The following STXBP4 variants were observed in gnomAD, a reference collection of about 807,000 sequenced individuals.
The protein encoded by STXBP4 is syntaxin binding protein 4, also known as syntaxin-binding protein 4.
Under a neutral mutation model 76.1 loss-of-function variants are expected in STXBP4, and 55 were observed. The observed-to-expected ratio is 0.72, with a 90% CI of 0.58 to 0.91. The LOEUF (loss-of-function observed/expected upper bound fraction) is 0.91. Ranked by LOEUF, STXBP4 falls within the 40% of genes least tolerant of loss-of-function variation. The probability of loss-of-function intolerance (pLI) is 0.00; values close to 1 mark genes in which losing one functional copy is unlikely to be tolerated. For synonymous variants in STXBP4, 201 were observed against 220.2 expected, an observed-to-expected ratio of 0.91 and a Z score of 0.77; for missense variants, 618 against 636.9, an observed-to-expected ratio of 0.97 and a Z score of 0.32.
At chr17:55,201,202 A>G in the STXBP4 span, among the ~76,000 whole-genome samples, 3 of 152,198 alleles carry the variant, frequency 2.0e-5, no homozygotes, top group African/African-American at 7.2e-5. Context: ...CTCCACAGTC[A>G]CACTGGTATT....
chr17:54,971,700 T>TAAATTAAATTAATTTAATTTAACTAA (rs2077402991), intron 1 of STXBP4, among the ~76,000 whole-genome samples: 1 of 152,238 alleles, frequency 6.6e-6, no homozygotes, highest in Non-Finnish European at 1.5e-5. Flanking sequence ...AATCCAGGAT[T>TAAATTAAATTAATTTAATTTAACTAA]ACTCGTTGAT....
chr17:54,990,303 A>C (rs2144401235), intron 3 of STXBP4, among the ~76,000 whole-genome samples: 1 of 152,144 alleles, frequency 6.6e-6, no homozygotes, highest in African/African-American at 2.4e-5. Context: ...ACACAGCAGG[A>C]GGTGAGTCTA....
intron 12 of STXBP4, among the ~76,000 whole-genome samples, chr17:55,055,243 A>T (rs932593791): frequency 2.0e-5 from 3 of 152,162 alleles, no homozygotes; most frequent in African/African-American, 4.8e-5. Context: ...TGGGGCCTAC[A>T]CATATAAGCA....
At chr17:55,108,021 C>T (rs1186835573) in intron 16 of STXBP4, among the ~76,000 whole-genome samples, 11 of 152,242 alleles carry the variant, frequency 7.2e-5, no homozygotes, top group Admixed American at 7.2e-4. Context: ...GTGGCCACAG[C>T]AGTCCCTTCC....
At chr17:55,114,838 A>G (rs937883897) in intron 16 of STXBP4, among the ~76,000 whole-genome samples, 5 of 151,934 alleles carry the variant, frequency 3.3e-5, no homozygotes, top group Non-Finnish European at 7.4e-5. Context: ...CCCTTTGGGT[A>G]TGACAATCAC....
chr17:55,118,995 G>A (rs2079813968), intron 16 of STXBP4, among the ~76,000 whole-genome samples: 1 of 150,550 alleles, frequency 6.6e-6, no homozygotes. Context: ...TAGGTTACAT[G>A]TGCACAATGT....
chr17:55,157,704 A>G (rs2080295678), intron 17 of STXBP4, among the ~76,000 whole-genome samples: 1 of 152,206 alleles, frequency 6.6e-6, no homozygotes, highest in Non-Finnish European at 1.5e-5. Flanking sequence ...ATTTAAACAG[A>G]GGAGCTGAAC....
intron 11 of STXBP4, among the ~76,000 whole-genome samples, chr17:55,046,582 ATTAATC>A (rs949757762): frequency 2.0e-5 from 3 of 151,956 alleles, no homozygotes; most frequent in Non-Finnish European, 4.4e-5. Context: ...TATGTATAAT[ATTAATC>A]TTAATAACTA....
intron 16 of STXBP4, among the ~76,000 whole-genome samples, chr17:55,112,015 AGGC>A (rs1396496594): frequency 6.6e-6 from 1 of 152,178 alleles, no homozygotes; most frequent in African/African-American, 2.4e-5. Flanking sequence ...TCCTGGGCTC[AGGC>A]TATTGTCCCA....
intron 12 of STXBP4, among the ~76,000 whole-genome samples, chr17:55,053,972 T>C (rs1202888149): frequency 1.3e-5 from 2 of 152,126 alleles, no homozygotes; most frequent in Non-Finnish European, 2.9e-5. Flanking sequence ...AAGATGTGAA[T>C]CTAAGGAAAA....
the STXBP4 span, among the ~76,000 whole-genome samples, chr17:55,204,416 A>T: frequency 1.3e-5 from 2 of 152,016 alleles, no homozygotes; most frequent in African/African-American, 4.8e-5. Context: ...TATTTCTGTG[A>T]TCTGCTTTTT....
At chr17:55,093,162 G>A (rs987314349) in intron 16 of STXBP4, among the ~76,000 whole-genome samples, 6 of 151,806 alleles carry the variant, frequency 4.0e-5, no homozygotes, top group African/African-American at 1.5e-4. Context: ...GCCCAGCTAA[G>A]TTTTGTATTC....
chr17:55,056,650 T>G (rs1466817322), intron 12 of STXBP4, among the ~76,000 whole-genome samples: 1 of 152,126 alleles, frequency 6.6e-6, no homozygotes. Flanking sequence ...TGCAGTGAAT[T>G]ATGATCATGC....
intron 12 of STXBP4, among the ~76,000 whole-genome samples, chr17:55,056,995 A>G (rs1461629740): frequency 6.6e-6 from 1 of 152,244 alleles, no homozygotes; most frequent in Non-Finnish European, 1.5e-5. Context: ...ATATTAGCTT[A>G]TAGTAGAAAA....
At chr17:55,209,166 G>A in the STXBP4 span, among the ~76,000 whole-genome samples, 1 of 152,142 alleles carries the variant, frequency 6.6e-6, no homozygotes, top group Non-Finnish European at 1.5e-5. Flanking sequence ...TGAAAGAGGA[G>A]TCTGAAGATT....
At chr17:55,071,611 C>A (rs1284688754) in intron 12 of STXBP4, among the ~76,000 whole-genome samples, 1 of 152,138 alleles carries the variant, frequency 6.6e-6, no homozygotes, top group Non-Finnish European at 1.5e-5. Context: ...TTCCAAGGAG[C>A]AAGAGGGAAG....
intron 8 of STXBP4, among the ~76,000 whole-genome samples, chr17:55,023,814 C>G (rs1488268726): frequency 1.3e-5 from 2 of 148,826 alleles, no homozygotes; most frequent in Non-Finnish European, 3.0e-5. Flanking sequence ...GATATTGGGG[C>G]TCAGTTTTAA....
intron 8 of STXBP4, among the ~76,000 whole-genome samples, chr17:55,023,936 A>G (rs956519910): frequency 2.0e-4 from 30 of 151,144 alleles, no homozygotes; most frequent in Middle Eastern, 3.4e-3. Context: ...AAAAAAAAAA[A>G]AAAAGAAAAC....
At chr17:55,135,686 T>C (rs758541371) in intron 16 of STXBP4, among the ~76,000 whole-genome samples, 11 of 152,138 alleles carry the variant, frequency 7.2e-5, no homozygotes, top group Non-Finnish European at 1.6e-4. Context: ...ACTTGTACAA[T>C]TGTAAACATG....
Sources: allele counts gnomAD v4.1 joint callset (sites outside exome capture counted in the v4.1 genomes callset), GRCh38; gene constraint gnomAD v4.1.1; transcripts MANE v1.5; gene names NCBI Gene and HGNC (gene_info 2026-07-23, HGNC 2026-07-21).